The following CGA variants were observed in gnomAD, a reference collection of about 807,000 sequenced individuals.
CGA encodes glycoprotein hormones, alpha polypeptide.
Under a neutral mutation model 12.0 loss-of-function variants are expected in CGA, and 4 were observed. The ratio of observed to expected loss-of-function variants is 0.33; its 90% confidence interval spans 0.16 to 0.76. CGA has a LOEUF of 0.76. CGA is among the 30% of genes least tolerant of loss of function. CGA has a pLI of 0.60. For synonymous variants in CGA, 60 were observed against 56.6 expected (o/e 1.06, Z -0.27); for missense variants, 102 against 143.5 (o/e 0.71, Z 1.48).
At chr6:87,085,906 T>C in intron 3 of CGA, 73 bp from the exon 4 acceptor site, 1 of 1,034,590 alleles carries the variant, frequency 9.7e-7, no homozygotes, top group Non-Finnish European at 1.5e-6. Context: ...AATTGAAGAA[T>C]ATTACATAAA....
chr6:87,094,256 C>T (rs1317888489), intron 1 of CGA, among the ~76,000 whole-genome samples: 5 of 152,126 alleles, frequency 3.3e-5, no homozygotes, highest in South Asian at 2.1e-4. Context: ...TATTCTTCAA[C>T]GCTAATAAGG....
intron 3 of CGA, 162 bp downstream of exon 3, chr6:87,086,088 G>C (rs914173600): frequency 1.2e-5 from 8 of 692,490 alleles, no homozygotes; most frequent in Non-Finnish European, 2.0e-5. Flanking sequence ...CAAGACAATT[G>C]ACTCTTTTAA....
intron 2 of CGA, among the ~76,000 whole-genome samples, chr6:87,086,868 A>G (rs1769335031): frequency 6.6e-6 from 1 of 152,176 alleles, no homozygotes; most frequent in South Asian, 2.1e-4. Flanking sequence ...ACCAGAGGTT[A>G]GGAATTCGAG....
chr6:87,089,029 GATGGTATAGCCATACC>G (rs1769380153), intron 1 of CGA: 1 of 152,160 alleles, frequency 6.6e-6, no homozygotes, highest in Non-Finnish European at 1.5e-5. Flanking sequence ...TCATACAAAT[GATGGTATAGCCATACC>G]ATGGAATACT....
chr6:87,086,184 G>T lies in CGA; in HGVS notation c.273+66C>A. The T allele has an allele frequency of 5.6e-6, 8 of 1,424,860 alleles. No individual in the cohort carries two copies. The South Asian group carries it at 1.1e-4, about 19-fold the overall frequency. The allele number at this position is 1,424,860 out of a possible 1,614,324, so 88.3% of individuals were successfully genotyped here. A position where few individuals can be genotyped will look rare whatever the true frequency, so the allele number is the denominator to read the frequency against. ...ACACCTTTGGCATTAAATTCCATGG[G>T]TGGGCTCTATGAACATTTCTCTGAT... On this transcript the variant is annotated intron_variant, in intron 3 of 3. Transcript: ENST00000627148.
intron 1 of CGA, among the ~76,000 whole-genome samples, chr6:87,091,950 C>A (rs889055067): frequency 3.9e-5 from 6 of 152,040 alleles, no homozygotes; most frequent in African/African-American, 1.4e-4. Context: ...GAGGTGGAAG[C>A]GGCAGTGAGC....
At position 87,087,877 on chromosome 6, in the gene CGA, C is replaced by T. The variant is rs150816870; in HGVS notation, c.88+236G>A. ...TCAAGAATAAAAAGGAATCTATTTC[C>T]GATGAAAATGTATAGGCTGCTGCAT... is the stretch of plus-strand genomic sequence containing the variant. On this transcript the variant is annotated intron_variant, in intron 2 of 3. Coordinates refer to ENST00000627148, the MANE Select transcript of CGA (RefSeq NM_000735.4). 1.2e-3 allele frequency: 366 copies of T among 303,168 alleles called. 1 individual carries two copies. The highest frequency in any genetic ancestry group is 1.6e-3 in the Non-Finnish European group (258 of 165,794). The allele number at this position is 303,168 out of a possible 1,614,324, so 18.8% of individuals were successfully genotyped here. A position where few individuals can be genotyped will look rare whatever the true frequency, so the allele number is the denominator to read the frequency against.
intron 1 of CGA, 34 bp from the exon 2 acceptor site, chr6:87,088,241 A>G (rs890204344): frequency 7.8e-7 from 1 of 1,275,446 alleles, no homozygotes; most frequent in Non-Finnish European, 1.1e-6. Flanking sequence ...AAAAAAACAA[A>G]AAACAGTTAA....
intron 3 of CGA, 54 bp from the exon 4 acceptor site, chr6:87,085,887 T>TA: frequency 8.3e-7 from 1 of 1,202,338 alleles, no homozygotes; most frequent in South Asian, 1.3e-5. Context: ...GATAGATAGA[T>TA]AGAGACAAAA....
At chr6:87,090,452 T>G (rs1769409778) in intron 1 of CGA, among the ~76,000 whole-genome samples, 1 of 152,116 alleles carries the variant, frequency 6.6e-6, no homozygotes, top group South Asian at 2.1e-4. Context: ...GGTAAAACAA[T>G]GCCACTCATC....
rs1167462393 is a variant in CGA, at chr6:87,093,284, A to G, written c.-8+1729T>C. On this transcript the variant is annotated intron_variant, in intron 1 of 3. Transcript: ENST00000627148. Reference sequence around the variant, plus strand: ...ATGTCCTCCTTTATAACTTGGAGTCACACATGGATCATGCTGTTTCAGTTA... The same window carrying G: ...ATGTCCTCCTTTATAACTTGGAGTCGCACATGGATCATGCTGTTTCAGTTA... Among the ~76,000 whole-genome samples the G allele has an allele frequency of 2.6e-5, 4 of 152,330 alleles. No homozygotes were observed. The East Asian group carries it at 7.7e-4, about 29-fold the overall frequency.
intron 1 of CGA, among the ~76,000 whole-genome samples, chr6:87,092,817 G>A (rs1464116404): frequency 6.8e-6 from 1 of 147,518 alleles, no homozygotes; most frequent in Admixed American, 6.9e-5. Flanking sequence ...CCACTATCAC[G>A]GCTCATTACA....
In CGA at chr6:87,085,648, T is replaced by C. The variant is rs548269987; in HGVS notation, c.*108A>G. Reference sequence around the variant, plus strand: ...ATATCCTTGAAGCGTGTCAAAGTGGTATGGTAAGGAAAAGGAGAGTTTTAT... The same window carrying C: ...ATATCCTTGAAGCGTGTCAAAGTGGCATGGTAAGGAAAAGGAGAGTTTTAT... On this transcript the variant is annotated 3_prime_UTR_variant, in exon 4 of 4. Coordinates refer to ENST00000627148, the MANE Select transcript of CGA (RefSeq NM_000735.4). 9.4e-5 allele frequency: 70 copies of C among 748,076 alleles called. No individual in the cohort carries two copies. In the South Asian group the frequency reaches 1.1e-3, roughly 11 times the overall value. The allele number at this position is 748,076 out of a possible 1,614,324, so 46.3% of individuals were successfully genotyped here.
At chr6:87,094,774 C>G (rs952032768) in intron 1 of CGA, 18 of 152,182 alleles carry the variant, frequency 1.2e-4, no homozygotes, top group African/African-American at 4.3e-4. Context: ...GACAGGCACT[C>G]AAGCATCTCA....
At chr6:87,090,884 G>A (rs1444691034) in intron 1 of CGA, among the ~76,000 whole-genome samples, 1 of 150,284 alleles carries the variant, frequency 6.7e-6, no homozygotes, top group East Asian at 2.0e-4. Context: ...CTGACCTCGT[G>A]ATCCACCTGC....
intron 3 of CGA, 182 bp downstream of exon 3, chr6:87,086,068 T>G: frequency 1.5e-6 from 1 of 666,014 alleles, no homozygotes; most frequent in Non-Finnish European, 2.6e-6. Context: ...ATAAATCCAG[T>G]CTATACCCAC....
intron 1 of CGA, among the ~76,000 whole-genome samples, chr6:87,089,597 T>C (rs1769393822): frequency 6.6e-6 from 1 of 152,218 alleles, no homozygotes; most frequent in Non-Finnish European, 1.5e-5. Context: ...GGTTTAAAGG[T>C]ACATATGAGT....
At chr6:87,085,983 AT>A in intron 3 of CGA, 150 bp from the exon 4 acceptor site, 1 of 698,666 alleles carries the variant, frequency 1.4e-6, no homozygotes, top group Non-Finnish European at 2.5e-6. Flanking sequence ...TTTAGGAAAT[AT>A]TTTTAGCACA....
chr6:87,094,613 C>T (rs1179540958), intron 1 of CGA, among the ~76,000 whole-genome samples: 1 of 152,110 alleles, frequency 6.6e-6, no homozygotes, highest in Non-Finnish European at 1.5e-5. Context: ...TATCATGGGC[C>T]AGCTTGAAGA....
Sources: allele counts gnomAD v4.1 joint callset (sites outside exome capture counted in the v4.1 genomes callset), GRCh38; gene constraint gnomAD v4.1.1; transcripts MANE v1.5; gene names NCBI Gene and HGNC (gene_info 2026-07-23, HGNC 2026-07-21).